Variants in RANGAP1 observed in about 807,000 individuals in gnomAD.
RANGAP1 encodes ran GTPase-activating protein 1.
RANGAP1 carries 38 observed loss-of-function variants against 63.5 expected under a neutral mutation model. The ratio of observed to expected loss-of-function variants is 0.60; its 90% CI spans 0.46 to 0.78. The LOEUF (loss-of-function observed/expected upper bound fraction) is 0.78. Among genes scored for constraint, RANGAP1 ranks in the 30% least tolerant of loss-of-function variants. The probability of loss-of-function intolerance (pLI) is 0.00; values close to 1 mark genes in which losing one functional copy is unlikely to be tolerated. For missense variants in RANGAP1, 630 were observed against 740.3 expected (o/e 0.85, Z 1.73); for synonymous variants, 329 against 310.5 (o/e 1.06, Z -0.63).
At chr22:41,276,033 C>A (rs190200301) in intron 2 of RANGAP1, among the ~76,000 whole-genome samples, 1 of 152,248 alleles carries the variant, frequency 6.6e-6, no homozygotes, top group Non-Finnish European at 1.5e-5. Context: ...AATAGTTATA[C>A]CAGCACTGCT....
chr22:41,293,096 G>C, the RANGAP1 span, among the ~76,000 whole-genome samples: 1 of 151,710 alleles, frequency 6.6e-6, no homozygotes, highest in Non-Finnish European at 1.5e-5. Flanking sequence ...TTAGCCAGGC[G>C]TGTTGGCGGG....
intron 3 of RANGAP1, among the ~76,000 whole-genome samples, chr22:41,272,194 C>T (rs1040118153): frequency 7.9e-5 from 12 of 152,144 alleles, no homozygotes; most frequent in African/African-American, 2.9e-4. Context: ...CCTTCAGGCC[C>T]ATGGCTCCTT....
chr22:41,299,295 G>C, the RANGAP1 span, among the ~76,000 whole-genome samples: 1 of 152,012 alleles, frequency 6.6e-6, no homozygotes, highest in Non-Finnish European at 1.5e-5. Flanking sequence ...ACCATGCCTG[G>C]CTAATTTTTT....
intron 1 of RANGAP1, chr22:41,281,647 C>T (rs1305277126): frequency 1.0e-6 from 1 of 986,580 alleles, no homozygotes; most frequent in African/African-American, 1.7e-5. Context: ...ACTGGGCAGG[C>T]CACAATGGCC....
chr22:41,281,485 T>C (rs563896292), intron 1 of RANGAP1: 52 of 994,180 alleles, frequency 5.2e-5, no homozygotes, highest in Non-Finnish European at 6.1e-5. Flanking sequence ...TGTTCTCTGT[T>C]TGAGGGTCCC....
At chr22:41,277,916 T>C (rs1214268297) in intron 2 of RANGAP1, among the ~76,000 whole-genome samples, 1 of 152,170 alleles carries the variant, frequency 6.6e-6, no homozygotes, top group African/African-American at 2.4e-5. Flanking sequence ...GATTTGCTGC[T>C]TCTTAGGAGC....
chr22:41,289,408 C>T (rs1001482252), upstream of RANGAP1, among the ~76,000 whole-genome samples: 4 of 151,606 alleles, frequency 2.6e-5, no homozygotes, highest in Non-Finnish European at 5.9e-5. Context: ...GATCATCTGA[C>T]GTCAGGAATT....
the RANGAP1 span, among the ~76,000 whole-genome samples, chr22:41,295,219 C>T: frequency 1.3e-5 from 2 of 151,346 alleles, no homozygotes; most frequent in Non-Finnish European, 2.9e-5. Flanking sequence ...TCATTGAGAA[C>T]AGGCCAGGAT....
chr22:41,281,573 T>C, intron 1 of RANGAP1: 1 of 988,722 alleles, frequency 1.0e-6, no homozygotes, highest in Non-Finnish European at 1.2e-6. Flanking sequence ...CACGCTGGCA[T>C]GACTCTGGGG....
the RANGAP1 span, among the ~76,000 whole-genome samples, chr22:41,299,528 C>T: frequency 6.6e-6 from 1 of 152,120 alleles, no homozygotes; most frequent in African/African-American, 2.4e-5. Context: ...CTTGGCGTCC[C>T]AAAGTGCTAG....
intron 3 of RANGAP1, among the ~76,000 whole-genome samples, chr22:41,273,787 A>AAAAAAAAAAAAAAC (rs1323692474): frequency 6.9e-6 from 1 of 145,350 alleles, no homozygotes; most frequent in Non-Finnish European, 1.5e-5. Flanking sequence ...AAAAAAAAAA[A>AAAAAAAAAAAAAAC]AAAAAAGGCC....
chr22:41,248,902 C>T lies in RANGAP1; in HGVS notation c.1694+428G>A, dbSNP rs762214323. On this transcript the variant is annotated intron_variant, in intron 15 of 15. Coordinates refer to ENST00000356244, the MANE Select transcript of RANGAP1 (RefSeq NM_002883.4). ...GGCTGCAGAGCCTGGTGTGACCAGG[C>T]CCCTTTGGCCTGCGCTGCTGTGAAT... Among the ~76,000 whole-genome samples the T allele has an allele frequency of 4.6e-5, 7 of 152,226 alleles. No individual in the cohort carries two copies. In the South Asian group the frequency reaches 1.2e-3, roughly 27 times the overall value.
intron 7 of RANGAP1, 44 bp from the exon 8 acceptor site, chr22:41,256,868 AC>A: frequency 6.5e-7 from 1 of 1,530,226 alleles, no homozygotes; most frequent in Non-Finnish European, 9.0e-7. Context: ...TGCAGACCAC[AC>A]CCCAGCCCTC....
At chr22:41,267,993 C>A in intron 4 of RANGAP1, 104 bp downstream of exon 4, 1 of 1,245,714 alleles carries the variant, frequency 8.0e-7, no homozygotes, top group Non-Finnish European at 1.1e-6. Flanking sequence ...CAGTCACCCA[C>A]AGGGCTAATC....
At chr22:41,297,329 G>A in the RANGAP1 span, among the ~76,000 whole-genome samples, 1 of 152,146 alleles carries the variant, frequency 6.6e-6, no homozygotes, top group African/African-American at 2.4e-5. Context: ...CTGGTTGGAT[G>A]AGGCCCATCC....
intron 2 of RANGAP1, among the ~76,000 whole-genome samples, chr22:41,279,800 CAA>C (rs139530): frequency 3.4e-3 from 416 of 122,024 alleles, no homozygotes; most frequent in African/African-American, 7.2e-3. Flanking sequence ...AGACTCATCT[CAA>C]AAAAAAAAAA....
upstream of RANGAP1, among the ~76,000 whole-genome samples, chr22:41,286,893 A>G (rs1027411850): frequency 6.6e-6 from 1 of 152,206 alleles, no homozygotes; most frequent in African/African-American, 2.4e-5. Flanking sequence ...GACATGGTAC[A>G]GAATAACTGA....
At chr22:41,251,172 C>T (rs1343108670) in intron 12 of RANGAP1, 63 bp from the exon 13 acceptor site, 13 of 1,365,998 alleles carry the variant, frequency 9.5e-6, no homozygotes, top group South Asian at 1.2e-5. Flanking sequence ...TGGGCTCTGA[C>T]GCTAGCTAGG....
intron 10 of RANGAP1, among the ~76,000 whole-genome samples, chr22:41,255,332 C>T (rs1056557886): frequency 1.3e-5 from 2 of 152,146 alleles, no homozygotes; most frequent in Non-Finnish European, 2.9e-5. Context: ...ATCTGACACA[C>T]GAATGAGGCC....
Sources: allele counts gnomAD v4.1 joint callset (sites outside exome capture counted in the v4.1 genomes callset), GRCh38; gene constraint gnomAD v4.1.1; transcripts MANE v1.5; gene names NCBI Gene and HGNC (gene_info 2026-07-23, HGNC 2026-07-21).